CNTN4: variants seen among roughly 807,000 people sequenced by gnomAD.
CNTN4 encodes contactin-4.
A neutral mutation model predicts 122.5 loss-of-function variants in CNTN4; 77 were observed. The ratio of observed to expected loss-of-function variants is 0.63; its 90% confidence interval spans 0.52 to 0.76. CNTN4 has a LOEUF of 0.76. Ranked by LOEUF, CNTN4 falls within the 30% of genes least tolerant of loss-of-function variation. The pLI, the probability that CNTN4 is intolerant of heterozygous loss-of-function variation, is 0.00. For synonymous variants in CNTN4, 512 were observed against 447.0 expected, an observed-to-expected ratio of 1.15 and a Z score of -1.83; for missense variants, 1,256 against 1,259.1, an observed-to-expected ratio of 1.00 and a Z score of 0.04.
chr3:2,711,639 G>A (rs148777012), intron 4 of CNTN4, among the ~76,000 whole-genome samples: 106 of 152,300 alleles, frequency 7.0e-4, no homozygotes, highest in African/African-American at 2.4e-3. Flanking sequence ...GCTAAACGCA[G>A]AGAGGATTAA....
intron 2 of CNTN4, among the ~76,000 whole-genome samples, chr3:2,234,370 C>CAAAAAAAAAA (rs72401999): frequency 5.5e-4 from 52 of 94,706 alleles, no homozygotes; most frequent in African/African-American, 1.7e-3. Context: ...AAGTCCATCT[C>CAAAAAAAAAA]AAAAAAAAAA....
In CNTN4 at chr3:2,976,356, A is replaced by G. The variant is rs145028173; in HGVS notation, c.1359-11989A>G. ...TTCTCTTTTGAGCAATGCTGCAGAC[A>G]AGGGCAATAGGGTCTGAACGCAGCT... is the stretch of plus-strand genomic sequence containing the variant. On this transcript the variant is annotated intron_variant, in intron 13 of 24. Transcript: ENST00000418658. 4.4e-3 allele frequency among the ~76,000 whole-genome samples: 665 copies of G among 152,356 alleles called. 1 individual carries two copies. Among genetic ancestry groups the G allele is most frequent in the Admixed American group, 9.6e-3 (147 of 15,310 alleles).
At chr3:3,032,160 T>G (rs571716957) in intron 16 of CNTN4, among the ~76,000 whole-genome samples, 1 of 152,304 alleles carries the variant, frequency 6.6e-6, no homozygotes, top group Non-Finnish European at 1.5e-5. Context: ...AGAAAAAACT[T>G]TCAACCGAGG....
At chr3:2,600,428 C>G (rs1047771515) in intron 4 of CNTN4, among the ~76,000 whole-genome samples, 1 of 152,046 alleles carries the variant, frequency 6.6e-6, no homozygotes, top group African/African-American at 2.4e-5. Context: ...TCAATTCCCA[C>G]CTATGAGTGA....
intron 4 of CNTN4, among the ~76,000 whole-genome samples, chr3:2,683,829 C>T (rs1196389886): frequency 3.9e-5 from 6 of 152,262 alleles, no homozygotes; most frequent in Middle Eastern, 3.4e-3. Flanking sequence ...TTTATCACCA[C>T]CTGCCATAGA....
At chr3:2,231,490 G>A (rs1036017360) in intron 2 of CNTN4, among the ~76,000 whole-genome samples, 1 of 152,052 alleles carries the variant, frequency 6.6e-6, no homozygotes, top group African/African-American at 2.4e-5. Context: ...ATCTGATAAA[G>A]AGCTTCTATT....
chr3:2,537,141 C>T (rs946653142), intron 3 of CNTN4, among the ~76,000 whole-genome samples: 6 of 151,942 alleles, frequency 3.9e-5, no homozygotes, highest in Non-Finnish European at 7.4e-5. Context: ...CACATGCGTT[C>T]TATAAGGGAA....
At chr3:2,415,853 C>T (rs1291550053) in intron 3 of CNTN4, among the ~76,000 whole-genome samples, 1 of 151,898 alleles carries the variant, frequency 6.6e-6, no homozygotes, top group Non-Finnish European at 1.5e-5. Context: ...GGCTTATTAG[C>T]GTTCTTGGTT....
intron 3 of CNTN4, among the ~76,000 whole-genome samples, chr3:2,509,080 G>A (rs2076814123): frequency 6.6e-6 from 1 of 152,188 alleles, no homozygotes; most frequent in South Asian, 2.1e-4. Context: ...CAGGCAAACA[G>A]GGATTGAATA....
chr3:2,198,444 A>G (rs2149375555), intron 2 of CNTN4, among the ~76,000 whole-genome samples: 1 of 152,306 alleles, frequency 6.6e-6, no homozygotes. Flanking sequence ...GATTTTTACT[A>G]ACTTTACAGT....
intron 17 of CNTN4, 36 bp from the exon 18 acceptor site, chr3:3,037,143 C>T (rs377349658): frequency 1.2e-6 from 2 of 1,612,652 alleles, no homozygotes; most frequent in Non-Finnish European, 1.7e-6. Flanking sequence ...TTTCTGAGAA[C>T]CTATGAAACA....
chr3:2,111,855 T>C (rs561429270), intron 2 of CNTN4, among the ~76,000 whole-genome samples: 26 of 152,276 alleles, frequency 1.7e-4, no homozygotes, highest in Admixed American at 1.4e-3. Context: ...TTTCAATGCA[T>C]TTATTCAATA....
chr3:2,734,384 A>G (rs1345077280), intron 4 of CNTN4, among the ~76,000 whole-genome samples: 1 of 152,170 alleles, frequency 6.6e-6, no homozygotes, highest in Admixed American at 6.6e-5. Context: ...TTTAACTGAT[A>G]AAGAATCACT....
chr3:2,725,833 T>C (rs2088185976), intron 4 of CNTN4, among the ~76,000 whole-genome samples: 1 of 152,052 alleles, frequency 6.6e-6, no homozygotes. Context: ...TTTGGAGAAA[T>C]GTCAAAAAGA....
At chr3:2,505,903 C>T (rs1304951493) in intron 3 of CNTN4, among the ~76,000 whole-genome samples, 2 of 152,116 alleles carry the variant, frequency 1.3e-5, no homozygotes, top group Admixed American at 6.6e-5. Flanking sequence ...GGGGAGAAAA[C>T]ATTAAACCAT....
At chr3:2,906,328 G>A (rs571411600) in intron 12 of CNTN4, among the ~76,000 whole-genome samples, 17 of 152,018 alleles carry the variant, frequency 1.1e-4, no homozygotes, top group African/African-American at 2.9e-4. Context: ...CTGAGGGAGC[G>A]GATGTTAAGT....
At chr3:2,625,200 A>C (rs746049867) in intron 4 of CNTN4, among the ~76,000 whole-genome samples, 7 of 152,142 alleles carry the variant, frequency 4.6e-5, no homozygotes, top group Non-Finnish European at 8.8e-5. Flanking sequence ...TTCATCCTCC[A>C]AAAAGGTAGT....
At chr3:2,115,651 T>C (rs968193189) in intron 2 of CNTN4, among the ~76,000 whole-genome samples, 24 of 152,364 alleles carry the variant, frequency 1.6e-4, no homozygotes, top group African/African-American at 5.8e-4. Flanking sequence ...AGGTACCTTG[T>C]AAACTTGGGG....
chr3:2,561,018 C>T (rs111908890), intron 3 of CNTN4, among the ~76,000 whole-genome samples: 5 of 152,132 alleles, frequency 3.3e-5, no homozygotes, highest in South Asian at 2.1e-4. Flanking sequence ...TGTGGCTGTC[C>T]GAGCAATCAG....
Sources: allele counts gnomAD v4.1 joint callset (sites outside exome capture counted in the v4.1 genomes callset), GRCh38; gene constraint gnomAD v4.1.1; transcripts MANE v1.5; gene names NCBI Gene and HGNC (gene_info 2026-07-23, HGNC 2026-07-21).